The following SYTL3 variants were observed in gnomAD, a reference collection of about 807,000 sequenced individuals.
SYTL3 encodes the protein synaptotagmin like 3, also known as synaptotagmin-like protein 3.
A neutral mutation model predicts 82.1 loss-of-function variants in SYTL3; 88 were observed. The observed-to-expected ratio is 1.07, with a 90% CI of 0.90 to 1.28. The LOEUF (loss-of-function observed/expected upper bound fraction) is 1.28, where lower values mean the gene tolerates loss of function less well. Among genes scored for constraint, SYTL3 ranks in the 50% most tolerant of loss-of-function variants. SYTL3 has a pLI of 0.00. For missense variants in SYTL3, 831 were observed against 757.6 expected, an observed-to-expected ratio of 1.10 and a Z score of -1.14; for synonymous variants, 311 against 289.4, an observed-to-expected ratio of 1.07 and a Z score of -0.76.
At chr6:158,726,392 A>C (rs139915616) in intron 11 of SYTL3, 34 of 248,210 alleles carry the variant, frequency 1.4e-4, no homozygotes, top group African/African-American at 6.2e-4. Context: ...GCTCTAAAGG[A>C]ACACCTCATT....
chr6:158,646,069 A>G (rs1047415885), upstream of SYTL3, among the ~76,000 whole-genome samples: 1 of 152,180 alleles, frequency 6.6e-6, no homozygotes, highest in African/African-American at 2.4e-5. Flanking sequence ...TTTATTCACT[A>G]ATGTATCCCC....
chr6:158,688,699 G>A (rs1303993489), intron 6 of SYTL3, among the ~76,000 whole-genome samples: 1 of 152,154 alleles, frequency 6.6e-6, no homozygotes, highest in East Asian at 1.9e-4. Flanking sequence ...AACAATTGTT[G>A]ACATTTTAGT....
rs59396937 is a variant in SYTL3, at chr6:158,707,398, CTTTT to C, written c.446+128_446+131del. 4.6e-4 allele frequency: 249 copies of C among 546,850 alleles called. 1 individual carries two copies. Among genetic ancestry groups the C allele is most frequent in the African/African-American group, 4.2e-3 (207 of 49,860 alleles). The allele number at this position is 546,850 out of a possible 1,614,324, so 33.9% of individuals were successfully genotyped here. A position where few individuals can be genotyped will look rare whatever the true frequency, so the allele number is the denominator to read the frequency against. On this transcript the variant is annotated intron_variant, in intron 7 of 17. Coordinates refer to ENST00000611299, the MANE Select transcript of SYTL3 (RefSeq NM_001242394.2). ...CATGTCACTGCTTTGGAATGTGACT[CTTTT>C]TTTTTTTTTTCTTTTAAAGATAAAG...
In SYTL3 at chr6:158,651,776, T is replaced by C. The variant is rs1788050435; in HGVS notation, c.-703T>C. The C allele has an allele frequency of 6.6e-6, 1 of 151,910 alleles. No individual in the cohort carries two copies. The highest frequency in any genetic ancestry group is 6.5e-5 in the Admixed American group (1 of 15,272). The allele number at this position is 151,910 out of a possible 1,614,324, so 9.4% of individuals were successfully genotyped here. On this transcript the variant is annotated 5_prime_UTR_variant, in exon 2 of 18. Coordinates refer to ENST00000611299, the MANE Select transcript of SYTL3 (RefSeq NM_001242394.2). ...AGGCTCCCCGAATGAGAAAGAATAC[T>C]CGGAATCAGCGGTGAATTGCAGTGA... is the stretch of plus-strand genomic sequence containing the variant.
At chr6:158,708,455 G>A in intron 8 of SYTL3, 64 bp downstream of exon 8, 1 of 1,509,246 alleles carries the variant, frequency 6.6e-7, no homozygotes, top group South Asian at 1.1e-5. Flanking sequence ...AGGAAGCAGG[G>A]GAGCTTTCGA....
Position 158,760,772 on chromosome 6 carries a change from TTGTC to T in SYTL3, c.1414+31_1414+34del, listed in dbSNP as rs572226104. 323 of 1,563,026 alleles carry T rather than the reference TTGTC, an allele frequency of 2.1e-4. No homozygotes were observed. The African/African-American group carries it at 3.7e-3, about 18-fold the overall frequency. On this transcript the variant is annotated intron_variant, in intron 15 of 17. Coordinates refer to ENST00000611299, the MANE Select transcript of SYTL3 (RefSeq NM_001242394.2). ...TCAGTGGCCTCCAGCTCCCTGGACA[TTGTC>T]TGTGTCATTGTCTGCAGAGCCTGGT...
At chr6:158,711,226 C>T (rs1276353691) in intron 8 of SYTL3, among the ~76,000 whole-genome samples, 2 of 152,210 alleles carry the variant, frequency 1.3e-5, no homozygotes, top group Non-Finnish European at 2.9e-5. Flanking sequence ...TAACCTTATA[C>T]TCATATCACA....
At chr6:158,750,016 C>G (rs1788194691) in intron 12 of SYTL3, among the ~76,000 whole-genome samples, 1 of 152,102 alleles carries the variant, frequency 6.6e-6, no homozygotes, top group Non-Finnish European at 1.5e-5. Flanking sequence ...AAATGTTCAT[C>G]AACAGGATAA....
chr6:158,648,110 A>G, upstream of SYTL3, among the ~76,000 whole-genome samples: 1 of 152,154 alleles, frequency 6.6e-6, no homozygotes, highest in Non-Finnish European at 1.5e-5. Context: ...CCTGACCAAC[A>G]TGGAGAAACC....
intron 8 of SYTL3, among the ~76,000 whole-genome samples, chr6:158,711,818 G>A (rs1441262637): frequency 6.6e-6 from 1 of 152,172 alleles, no homozygotes; most frequent in Non-Finnish European, 1.5e-5. Context: ...AACTGTCATG[G>A]CACTGGTGGG....
In SYTL3 at chr6:158,760,739, C is replaced by T. The variant is rs769677902; in HGVS notation, c.1408C>T (p.Gln470Ter). The change falls in exon 15 of 18, where the codon CAA becomes TAA. Residue 470 changes from glutamine (Q) to a stop codon, truncating the protein, a stop_gained. Transcript: ENST00000611299. LOFTEE classifies it high-confidence loss of function. Reference sequence around the variant, plus strand: ...ACGGCCCAGAAAACTCCAAGAGGCTCAAGAAGGTCAGTGGCCTCCAGCTCC... The same window carrying T: ...ACGGCCCAGAAAACTCCAAGAGGCTTAAGAAGGTCAGTGGCCTCCAGCTCC... ...PSRPRKLQEAQEGTDQPSLHG... is the reference protein window; with the variant it reads ...PSRPRKLQEA 2 of 1,613,438 alleles carry T rather than the reference C, an allele frequency of 1.2e-6. No homozygotes were observed. The highest frequency in any genetic ancestry group is 2.2e-5 in the East Asian group (1 of 44,882).
Position 158,718,173 on chromosome 6 carries a change from C to A in SYTL3, c.682C>A (p.Arg228=), listed in dbSNP as rs1270112786. The change falls in exon 10 of 18, where the codon CGG becomes AGG. Residue 228 remains arginine (R), a synonymous_variant. Transcript: ENST00000611299. ...PRQCVGQTER[R]SQSDTAVNVT... is the part of the protein sequence containing the mutation. ...GCAGTGTGTGGGACAGACAGAGAGACGGAGCCAGTCTGACACTGCGGTCAA... is the reference window on the plus strand; with the variant it reads ...GCAGTGTGTGGGACAGACAGAGAGAAGGAGCCAGTCTGACACTGCGGTCAA... 3 of 1,544,508 alleles carry A rather than the reference C, an allele frequency of 1.9e-6. No homozygotes were observed. The African/African-American group carries it at 4.1e-5, about 21-fold the overall frequency.
At chr6:158,721,071 G>A (rs758245055) in intron 10 of SYTL3, among the ~76,000 whole-genome samples, 2 of 152,206 alleles carry the variant, frequency 1.3e-5, no homozygotes, top group African/African-American at 4.8e-5. Context: ...CAGGGGAGAC[G>A]GTGGGGAGAC....
intron 14 of SYTL3, 59 bp from the exon 15 acceptor site, chr6:158,760,581 C>A: frequency 6.7e-7 from 1 of 1,483,658 alleles, no homozygotes; most frequent in Non-Finnish European, 9.4e-7. Context: ...ACCAGAGGAA[C>A]CCAGAAGGTT....
At chr6:158,754,802 G>T (rs1237285580) in intron 13 of SYTL3, among the ~76,000 whole-genome samples, 1 of 152,230 alleles carries the variant, frequency 6.6e-6, no homozygotes. Flanking sequence ...CGAGCAATGG[G>T]TAAGGACCCA....
rs554196348 is a variant in SYTL3 at position 158,722,007 on chromosome 6, CCT to C, written c.721-3492_721-3491del. ...CTTAGCTGGGGAGCTCACCAAAATTCCTCTCATTTTCATCAGATTATTAATAT... is the reference window on the plus strand; with the variant it reads ...CTTAGCTGGGGAGCTCACCAAAATTCCTCATTTTCATCAGATTATTAATAT... On this transcript the variant is annotated intron_variant, in intron 10 of 17. Transcript: ENST00000611299. Among the ~76,000 whole-genome samples, 128 of 152,166 alleles carry C rather than the reference CCT, an allele frequency of 8.4e-4. 1 individual carries two copies. The highest frequency in any genetic ancestry group is 2.5e-3 in the African/African-American group (102 of 41,492).
intron 6 of SYTL3, among the ~76,000 whole-genome samples, chr6:158,683,662 T>C (rs1778981912): frequency 6.6e-6 from 1 of 152,268 alleles, no homozygotes. Flanking sequence ...CCTTATATTG[T>C]AGCATTGTTT....
At chr6:158,754,330 C>A (rs1234072111) in intron 13 of SYTL3, among the ~76,000 whole-genome samples, 2 of 152,162 alleles carry the variant, frequency 1.3e-5, no homozygotes, top group African/African-American at 4.8e-5. Flanking sequence ...CATTGCCTGG[C>A]CCTGCTCTCA....
chr6:158,688,418 G>T (rs915059097), intron 6 of SYTL3, among the ~76,000 whole-genome samples: 1 of 152,172 alleles, frequency 6.6e-6, no homozygotes, highest in South Asian at 2.1e-4. Flanking sequence ...CCCACACTCT[G>T]GCCCCCATTA....
Sources: allele counts gnomAD v4.1 joint callset (sites outside exome capture counted in the v4.1 genomes callset), GRCh38; gene constraint gnomAD v4.1.1; transcripts MANE v1.5; gene names NCBI Gene and HGNC (gene_info 2026-07-23, HGNC 2026-07-21).